PRKD1: variants seen among roughly 807,000 people sequenced by gnomAD.
PRKD1 encodes the protein serine/threonine-protein kinase D1.
In PRKD1, 63 loss-of-function variants were observed where a neutral mutation model predicts 95.9. The observed-to-expected ratio is 0.66, with a 90% CI of 0.54 to 0.81. PRKD1 has a LOEUF of 0.81. PRKD1 is among the 30% of genes least tolerant of loss of function. The pLI is 0.00. For synonymous variants in PRKD1, 425 were observed against 423.1 expected (o/e 1.00, Z -0.05); for missense variants, 1,048 against 1,165.3 (o/e 0.90, Z 1.47).
chr14:29,716,947 A>G (rs1885640610), intron 2 of PRKD1, among the ~76,000 whole-genome samples: 1 of 152,172 alleles, frequency 6.6e-6, no homozygotes. Flanking sequence ...TAAATAAGCA[A>G]TTTTCTAAAA....
chr14:29,854,528 A>G (rs953867450), intron 1 of PRKD1, among the ~76,000 whole-genome samples: 7 of 152,364 alleles, frequency 4.6e-5, no homozygotes, highest in Non-Finnish European at 1.0e-4. Context: ...AAAGGCACTC[A>G]GTTTTAAAAG....
intron 8 of PRKD1, 25 bp from the exon 9 acceptor site, chr14:29,632,971 T>C: frequency 1.3e-6 from 2 of 1,592,470 alleles, no homozygotes; most frequent in Non-Finnish European, 8.6e-7. Flanking sequence ...AGATCCAAGA[T>C]CTTTTTAAAA....
chr14:29,767,462 A>T (rs1888306484), intron 1 of PRKD1, among the ~76,000 whole-genome samples: 2 of 152,146 alleles, frequency 1.3e-5, no homozygotes, highest in Middle Eastern at 6.8e-3. Flanking sequence ...AACATCTCTA[A>T]TCTCTCCACC....
chr14:29,746,427 G>A (rs1887220547), intron 1 of PRKD1, among the ~76,000 whole-genome samples: 1 of 151,852 alleles, frequency 6.6e-6, no homozygotes, highest in Non-Finnish European at 1.5e-5. Flanking sequence ...ACCTTGGCTT[G>A]GAACATTCTT....
At chr14:29,587,876 G>A (rs893033454) in intron 16 of PRKD1, among the ~76,000 whole-genome samples, 1 of 152,034 alleles carries the variant, frequency 6.6e-6, no homozygotes, top group Non-Finnish European at 1.5e-5. Flanking sequence ...AGATTGTTTA[G>A]AATGTTAAAC....
At chr14:29,740,776 A>T (rs1240838262) in intron 1 of PRKD1, among the ~76,000 whole-genome samples, 1 of 152,196 alleles carries the variant, frequency 6.6e-6, no homozygotes, top group Non-Finnish European at 1.5e-5. Context: ...ACTATAAAAC[A>T]TTCAACCACA....
intron 1 of PRKD1, among the ~76,000 whole-genome samples, chr14:29,855,088 G>A (rs1235244563): frequency 6.6e-6 from 1 of 152,172 alleles, no homozygotes; most frequent in East Asian, 1.9e-4. Context: ...GGAAATGTGG[G>A]GTTGGAGCCC....
intron 16 of PRKD1, among the ~76,000 whole-genome samples, chr14:29,579,901 T>C (rs1238040112): frequency 6.6e-6 from 1 of 152,170 alleles, no homozygotes; most frequent in Non-Finnish European, 1.5e-5. Flanking sequence ...CTTTTAAAAG[T>C]ATAGTTCTGT....
chr14:29,825,826 A>G (rs1891086494), intron 1 of PRKD1, among the ~76,000 whole-genome samples: 1 of 152,084 alleles, frequency 6.6e-6, no homozygotes, highest in Non-Finnish European at 1.5e-5. Context: ...CTCCTCCACT[A>G]TACAGGCAGG....
chr14:29,865,404 G>C (rs886526584), intron 1 of PRKD1, among the ~76,000 whole-genome samples: 1 of 152,208 alleles, frequency 6.6e-6, no homozygotes, highest in African/African-American at 2.4e-5. Flanking sequence ...TTACTATTGT[G>C]ATGGTATTAG....
intron 13 of PRKD1, among the ~76,000 whole-genome samples, chr14:29,620,721 G>A (rs1044130838): frequency 7.2e-5 from 11 of 152,140 alleles, no homozygotes; most frequent in Non-Finnish European, 1.5e-4. Flanking sequence ...CTTTCACACT[G>A]TTGGTGGGAC....
intron 4 of PRKD1, among the ~76,000 whole-genome samples, chr14:29,644,846 TATC>T (rs1295920353): frequency 6.6e-6 from 1 of 152,244 alleles, no homozygotes; most frequent in Middle Eastern, 3.4e-3. Context: ...TTTACATAAA[TATC>T]ATTTATTTAT....
chr14:29,846,445 G>T (rs1446967623), intron 1 of PRKD1, among the ~76,000 whole-genome samples: 1 of 152,260 alleles, frequency 6.6e-6, no homozygotes, highest in African/African-American at 2.4e-5. Flanking sequence ...GCCACTCCAG[G>T]CAGAGGGCTC....
At position 29,927,320 on chromosome 14, in the gene PRKD1, G is replaced by A. The variant is rs748131737; in HGVS notation, c.193C>T (p.Leu65=). 7.0e-6 allele frequency: 11 copies of A among 1,560,860 alleles called. No homozygotes were observed. The highest frequency in any genetic ancestry group is 9.5e-6 in the Non-Finnish European group (11 of 1,155,474). ...CTGTAGTCCCCGGACGAGTCCTGCA[G>A]CAGCAGCACCGGCTCACGGCTCAGG... is the stretch of plus-strand genomic sequence containing the variant. ...IGLSREPVLL[L]QDSSGDYSLA... is the part of the protein sequence containing the mutation. Residue 65 remains leucine (L), a synonymous_variant, in exon 1 of 18, where the codon CTG becomes TTG. Coordinates refer to ENST00000331968, the MANE Select transcript of PRKD1 (RefSeq NM_002742.3).
In PRKD1 at chr14:29,577,308, C is replaced by T. The variant is rs771843601; in HGVS notation, c.2669G>A (p.Ser890Asn). 1 of 1,613,846 alleles carries T rather than the reference C, an allele frequency of 6.2e-7. No homozygotes were observed. The change falls in exon 18 of 18, where the codon AGC becomes AAC. Residue 890 changes from serine (S) to asparagine (N), a missense_variant. By Grantham distance (46) the Ser-to-Asn change is conservative. Transcript: ENST00000331968. ...TTCAGTCTCAGGAGTGTCACTGTGG[C>T]TAGCACTTGGATTGATCAGGTGTGT... ...YPTHLINPSA[S>N]HSDTPETEET...
intron 1 of PRKD1, among the ~76,000 whole-genome samples, chr14:29,913,982 C>G (rs970233394): frequency 6.6e-6 from 1 of 152,142 alleles, no homozygotes; most frequent in African/African-American, 2.4e-5. Flanking sequence ...TACTAAAGTT[C>G]AAAAGTTCCA....
chr14:29,816,150 G>A (rs1033784273), intron 1 of PRKD1, among the ~76,000 whole-genome samples: 3 of 152,126 alleles, frequency 2.0e-5, no homozygotes, highest in African/African-American at 7.2e-5. Context: ...CCAGGGAGTT[G>A]GAGGTTGCAG....
chr14:29,857,644 C>T (rs1202972156), intron 1 of PRKD1, among the ~76,000 whole-genome samples: 18 of 152,188 alleles, frequency 1.2e-4, no homozygotes, highest in Admixed American at 1.2e-3. Flanking sequence ...CATTCATACA[C>T]TTAGAAGAAG....
At chr14:29,898,714 C>A (rs372219956) in intron 1 of PRKD1, among the ~76,000 whole-genome samples, 1 of 152,204 alleles carries the variant, frequency 6.6e-6, no homozygotes, top group East Asian at 1.9e-4. Flanking sequence ...GAGCTGGTTG[C>A]GAATTTGACT....
Sources: allele counts gnomAD v4.1 joint callset (sites outside exome capture counted in the v4.1 genomes callset), GRCh38; gene constraint gnomAD v4.1.1; transcripts MANE v1.5; gene names NCBI Gene and HGNC (gene_info 2026-07-23, HGNC 2026-07-21).